The following PPP1R3B variants were observed in gnomAD, a reference collection of about 807,000 sequenced individuals.
PPP1R3B encodes PP1 subunit R4.
In PPP1R3B, 8 loss-of-function variants were observed where a neutral mutation model predicts 14.6. The ratio of observed to expected loss-of-function variants is 0.55; its 90% CI spans 0.32 to 0.99. The LOEUF (loss-of-function observed/expected upper bound fraction) is 0.99, where lower values mean the gene tolerates loss of function less well. Among genes scored for constraint, PPP1R3B ranks in the 50% least tolerant of loss-of-function variants. The pLI, the probability that PPP1R3B is intolerant of heterozygous loss-of-function variation, is 0.04. For synonymous variants in PPP1R3B, 169 were observed against 142.0 expected, an observed-to-expected ratio of 1.19 and a Z score of -1.35; for missense variants, 452 against 360.1, an observed-to-expected ratio of 1.26 and a Z score of -2.07.
At chr8:9,142,362 C>G (rs1445313337) in intron 1 of PPP1R3B, 1 of 152,310 alleles carries the variant, frequency 6.6e-6, no homozygotes, top group Non-Finnish European at 1.5e-5. Context: ...TCCCAAGGTG[C>G]TAGGATTACA....
intron 1 of PPP1R3B, chr8:9,145,552 G>C (rs192774834): frequency 1.3e-5 from 2 of 152,290 alleles, no homozygotes; most frequent in Non-Finnish European, 2.9e-5. Flanking sequence ...TCAACAGTAA[G>C]CTGTTAGAAG....
upstream of PPP1R3B, chr8:9,151,230 G>C (rs760819790): frequency 2.6e-5 from 4 of 152,714 alleles, no homozygotes; most frequent in African/African-American, 7.2e-5. Context: ...CGGTGTGCCA[G>C]TGCAAGTCGC....
At chr8:9,145,895 GA>G (rs1761092192) in intron 1 of PPP1R3B, among the ~76,000 whole-genome samples, 1 of 151,780 alleles carries the variant, frequency 6.6e-6, no homozygotes, top group African/African-American at 2.4e-5. Flanking sequence ...TATAAGACAG[GA>G]TCTTGCTGTG....
At chr8:9,143,187 T>G (rs776845062) in intron 1 of PPP1R3B, among the ~76,000 whole-genome samples, 40 of 152,226 alleles carry the variant, frequency 2.6e-4, no homozygotes, top group Non-Finnish European at 4.1e-4. Context: ...TTGGTCTTCT[T>G]GAAAATAGCC....
intron 1 of PPP1R3B, among the ~76,000 whole-genome samples, 173 bp downstream of exon 1, chr8:9,150,390 C>G (rs903845142): frequency 6.6e-6 from 1 of 152,228 alleles, no homozygotes; most frequent in Non-Finnish European, 1.5e-5. Flanking sequence ...GCTACTGTGC[C>G]TTCCACACCC....
intron 1 of PPP1R3B, chr8:9,145,214 T>C (rs969787606): frequency 4.6e-5 from 7 of 152,186 alleles, no homozygotes; most frequent in African/African-American, 7.2e-5. Context: ...GGAAAAATGC[T>C]GTTGTCACTT....
chr8:9,149,513 A>G (rs1056588864), intron 1 of PPP1R3B, among the ~76,000 whole-genome samples: 11 of 152,216 alleles, frequency 7.2e-5, no homozygotes, highest in African/African-American at 2.7e-4. Flanking sequence ...CAAAACAAAC[A>G]AACAAAACCA....
rs1403848263 is a variant in PPP1R3B, at chr8:9,141,074, G to A, written c.578C>T (p.Ser193Phe). ...TYAGSDRDTF[S>F]FDISLPEKIQ... ...CTTCTCGGGCAAGCTGATGTCGAAG[G>A]AGAACGTGTCCCTGTCTGAACCGGC... Residue 193 changes from serine (S) to phenylalanine (F), a missense_variant, in exon 2 of 2, where the codon TCC becomes TTC. Coordinates refer to ENST00000310455, the MANE Select transcript of PPP1R3B (RefSeq NM_024607.4). 1 of 1,614,058 alleles carries A rather than the reference G, an allele frequency of 6.2e-7. No individual in the cohort carries two copies. The highest frequency in any genetic ancestry group is 8.5e-7 in the Non-Finnish European group (1 of 1,180,050).
chr8:9,142,280 TAG>T (rs1203341146), intron 1 of PPP1R3B: 3 of 152,712 alleles, frequency 2.0e-5, no homozygotes, highest in Non-Finnish European at 2.9e-5. Context: ...AAAATTTTTG[TAG>T]AGACAGGACT....
chr8:9,149,112 G>A (rs1239489176), intron 1 of PPP1R3B, among the ~76,000 whole-genome samples: 1 of 149,082 alleles, frequency 6.7e-6, no homozygotes, highest in Non-Finnish European at 1.5e-5. Flanking sequence ...AGAATGGCGC[G>A]AACCCGGGAG....
intron 1 of PPP1R3B, among the ~76,000 whole-genome samples, chr8:9,145,802 TA>T (rs564052569): frequency 1.3e-5 from 2 of 152,092 alleles, no homozygotes; most frequent in African/African-American, 2.4e-5. Context: ...AAAATGAACC[TA>T]AAAAAAATCC....
In PPP1R3B at chr8:9,140,617, T is replaced by A; in HGVS notation, c.*177A>T. 1.4e-6 allele frequency: 1 copy of A among 692,026 alleles called. No homozygotes were observed. Among genetic ancestry groups the A allele is most frequent in the South Asian group, 2.0e-5 (1 of 51,214 alleles). The allele number at this position is 692,026 out of a possible 1,614,324, so 42.9% of individuals were successfully genotyped here. ...TTTGAGTGAGACACTGGTTGTGTAA[T>A]CTGAACCTGGCTGGATTTGCTGTTT... is the stretch of plus-strand genomic sequence containing the variant. On this transcript the variant is annotated 3_prime_UTR_variant, in exon 2 of 2. Coordinates refer to ENST00000310455, the MANE Select transcript of PPP1R3B (RefSeq NM_024607.4).
intron 1 of PPP1R3B, among the ~76,000 whole-genome samples, chr8:9,144,738 T>C (rs330927): frequency 0.29 from 43,690 of 152,192 alleles, 7,804 homozygotes; most frequent in East Asian, 0.74. Flanking sequence ...CTTTTATTTT[T>C]ACTGTTGTTA....
In PPP1R3B at chr8:9,140,982, T is replaced by G. The variant is rs1200795094; in HGVS notation, c.670A>C (p.Ser224Arg). ...ATCCTATAGTTCTTGCCTCTGTTGC[T>G]GTCCCAGTACGTCTGTCCATTGCAC... is the stretch of plus-strand genomic sequence containing the variant. Reference protein sequence around the residue: ...YECNGQTYWDSNRGKNYRIIR... With the variant: ...YECNGQTYWDRNRGKNYRIIR... The change falls in exon 2 of 2, where the codon AGC becomes CGC. Residue 224 changes from serine to arginine, a missense_variant. Physicochemically the swap from Ser to Arg is moderately radical, Grantham distance 110. Coordinates refer to ENST00000310455, the MANE Select transcript of PPP1R3B (RefSeq NM_024607.4). 2 of 1,614,240 alleles carry G rather than the reference T, an allele frequency of 1.2e-6. No homozygotes were observed. Among genetic ancestry groups the G allele is most frequent in the East Asian group, 2.2e-5 (1 of 44,884 alleles).
intron 1 of PPP1R3B, among the ~76,000 whole-genome samples, chr8:9,144,748 A>AT (rs771013464): frequency 5.8e-4 from 88 of 152,072 alleles, no homozygotes; most frequent in Non-Finnish European, 1.0e-3. Context: ...TACTGTTGTT[A>AT]TTTTTTCCTT....
rs1370327140 is a variant in PPP1R3B, at chr8:9,138,090, T to C, written c.*2704A>G. The C allele has an allele frequency of 6.6e-6, 1 of 152,208 alleles. No homozygotes were observed. Among genetic ancestry groups the C allele is most frequent in the Non-Finnish European group, 1.5e-5 (1 of 68,030 alleles). 9.4% of individuals were successfully genotyped at this position (152,208 alleles called of 1,614,324 possible). Reference sequence around the variant, plus strand: ...TAGTCGGGTAACATGTCAATGACAGTGCACTCTGTGCCTCTCCTGCATTGT... The same window carrying C: ...TAGTCGGGTAACATGTCAATGACAGCGCACTCTGTGCCTCTCCTGCATTGT... On this transcript the variant is annotated 3_prime_UTR_variant, in exon 2 of 2. Transcript: ENST00000310455.
chr8:9,144,226 C>T (rs1801167945), intron 1 of PPP1R3B, among the ~76,000 whole-genome samples: 2 of 144,576 alleles, frequency 1.4e-5, no homozygotes, highest in Non-Finnish European at 1.5e-5. Context: ...CTTACTCTGT[C>T]ACCTAGGCTG....
At position 9,137,033 on chromosome 8, in the gene PPP1R3B, T is replaced by A. The variant is rs953653059; in HGVS notation, c.*3761A>T. Reference sequence around the variant, plus strand: ...ATCTCCTAACAGTTCCAAATTTACATCTTCTAAGAATGTATAATTTTGCCA... The same window carrying A: ...ATCTCCTAACAGTTCCAAATTTACAACTTCTAAGAATGTATAATTTTGCCA... On this transcript the variant is annotated 3_prime_UTR_variant, in exon 2 of 2. Transcript: ENST00000310455. 1.4e-4 allele frequency: 22 copies of A among 152,216 alleles called. No individual in the cohort carries two copies. The highest frequency in any genetic ancestry group is 3.2e-4 in the Non-Finnish European group (22 of 68,038). The allele number at this position is 152,216 out of a possible 1,614,324, so 9.4% of individuals were successfully genotyped here. A position where few individuals can be genotyped will look rare whatever the true frequency, so the allele number is the denominator to read the frequency against.
At chr8:9,151,040 A>G (rs1801413881), upstream of PPP1R3B, among the ~76,000 whole-genome samples, 1 of 152,044 alleles carries the variant, frequency 6.6e-6, no homozygotes. Context: ...AGCCAGAACA[A>G]CAGGTGGTAA....
Sources: gnomAD v4.1 joint callset for allele counts (sites outside exome capture counted in the v4.1 genomes callset) on GRCh38, gnomAD v4.1.1 for gene constraint, MANE v1.5 for transcripts, NCBI Gene and HGNC (gene_info 2026-07-23, HGNC 2026-07-21) for gene names.